CAMTA1: variants seen among roughly 807,000 people sequenced by gnomAD.
CAMTA1 encodes the protein calmodulin-binding transcription activator 1.
CAMTA1 carries 27 observed loss-of-function variants against 170.9 expected under a neutral mutation model. That is an observed-to-expected ratio of 0.16 (90% CI 0.12 to 0.22). The LOEUF (loss-of-function observed/expected upper bound fraction) is 0.22, where lower values mean the gene tolerates loss of function less well. CAMTA1 is among the 10% of genes least tolerant of loss of function. The pLI, the probability that CAMTA1 is intolerant of heterozygous loss-of-function variation, is 1.00. For missense variants in CAMTA1, 1,619 were observed against 2,217.2 expected, an observed-to-expected ratio of 0.73 and a Z score of 5.42; for synonymous variants, 833 against 891.5, an observed-to-expected ratio of 0.93 and a Z score of 1.17.
chr1:7,586,636 A>C lies in CAMTA1; in HGVS notation c.511-53764A>C, dbSNP rs2095312409. Among the ~76,000 whole-genome samples the C allele has an allele frequency of 1.3e-5, 2 of 152,134 alleles. 1 individual carries two copies. Among genetic ancestry groups the C allele is most frequent in the African/African-American group, 4.8e-5 (2 of 41,390 alleles). ...GCCCTCAGCTCACCAGCTGGGCAAC[A>C]ATACCTGGAAAGGGTAGAAGCATAC... On this transcript the variant is annotated intron_variant, in intron 6 of 22. Coordinates refer to ENST00000303635, the MANE Select transcript of CAMTA1 (RefSeq NM_015215.4).
chr1:7,428,797 C>A (rs1333201571), intron 5 of CAMTA1, among the ~76,000 whole-genome samples: 2 of 151,916 alleles, frequency 1.3e-5, no homozygotes, highest in Non-Finnish European at 2.9e-5. Context: ...TATTGCGTGG[C>A]CTTTGCATAT....
intron 4 of CAMTA1, among the ~76,000 whole-genome samples, chr1:7,246,082 G>T (rs2149284301): frequency 6.6e-6 from 1 of 152,328 alleles, no homozygotes; most frequent in South Asian, 2.1e-4. Flanking sequence ...GGTAAAGGAT[G>T]CTTTCAGGGT....
chr1:7,289,554 A>G (rs1376562072), intron 5 of CAMTA1, among the ~76,000 whole-genome samples: 3 of 152,218 alleles, frequency 2.0e-5, no homozygotes, highest in African/African-American at 7.2e-5. Context: ...CCTGGGTTGA[A>G]TAGTATCCTC....
chr1:7,627,735 C>T lies in CAMTA1; in HGVS notation c.511-12665C>T, dbSNP rs112402766. On this transcript the variant is annotated intron_variant, in intron 6 of 22. Coordinates refer to ENST00000303635, the MANE Select transcript of CAMTA1 (RefSeq NM_015215.4). ...TAATGGGCAGGGCTTTGATGGACTACTTAATTCCTTACGTTTTAGATTCTT... is the reference window on the plus strand; with the variant it reads ...TAATGGGCAGGGCTTTGATGGACTATTTAATTCCTTACGTTTTAGATTCTT... Among the ~76,000 whole-genome samples, 1,410 of 152,304 alleles carry T rather than the reference C, an allele frequency of 9.3e-3. 28 individuals are homozygous for T. The highest frequency in any genetic ancestry group is 0.033 in the African/African-American group (1,369 of 41,564).
At chr1:7,122,245 C>T (rs912035649) in intron 4 of CAMTA1, among the ~76,000 whole-genome samples, 1 of 152,112 alleles carries the variant, frequency 6.6e-6, no homozygotes, top group Non-Finnish European at 1.5e-5. Flanking sequence ...TCATCCCTGT[C>T]TTCCTCTTGC....
intron 11 of CAMTA1, among the ~76,000 whole-genome samples, chr1:7,678,697 G>A (rs1358767860): frequency 6.6e-6 from 1 of 152,218 alleles, no homozygotes; most frequent in Non-Finnish European, 1.5e-5. Context: ...TGAGCCCACA[G>A]AGGTGACACT....
At chr1:7,118,323 T>C (rs1295144530) in intron 4 of CAMTA1, among the ~76,000 whole-genome samples, 2 of 148,466 alleles carry the variant, frequency 1.3e-5, no homozygotes, top group African/African-American at 2.5e-5. Flanking sequence ...GACAGGGTCT[T>C]GCTCTGCCAC....
At chr1:7,449,976 G>A (rs2092782971) in intron 5 of CAMTA1, among the ~76,000 whole-genome samples, 1 of 152,022 alleles carries the variant, frequency 6.6e-6, no homozygotes. Flanking sequence ...GGAGGAGAGG[G>A]GCAGGGTTTG....
chr1:7,043,818 A>G (rs1277342930), intron 3 of CAMTA1, among the ~76,000 whole-genome samples: 7 of 152,182 alleles, frequency 4.6e-5, no homozygotes. Flanking sequence ...CCCTCAGGCT[A>G]GAGCTTTTGT....
chr1:6,993,658 G>A (rs893877365), intron 3 of CAMTA1, among the ~76,000 whole-genome samples: 1 of 152,026 alleles, frequency 6.6e-6, no homozygotes, highest in Non-Finnish European at 1.5e-5. Context: ...TGAAGTCTAC[G>A]CTACATAGCC....
At chr1:7,419,312 T>C (rs949402152) in intron 5 of CAMTA1, among the ~76,000 whole-genome samples, 2 of 152,150 alleles carry the variant, frequency 1.3e-5, no homozygotes, top group Non-Finnish European at 2.9e-5. Flanking sequence ...TCTGCCACCA[T>C]TCCTGGCTAA....
At position 7,561,333 on chromosome 1, in the gene CAMTA1, G is replaced by T. The variant is rs1333341575; in HGVS notation, c.511-79067G>T. Among the ~76,000 whole-genome samples the T allele has an allele frequency of 6.6e-6, 1 of 151,778 alleles. No individual in the cohort carries two copies. The highest frequency in any genetic ancestry group is 1.5e-5 in the Non-Finnish European group (1 of 67,892). ...GGAGGAGCCTCCAGGAGCCCAGCTG[G>T]GGTGATGGAGGGACAGAGGGACAGG... On this transcript the variant is annotated intron_variant, in intron 6 of 22. Coordinates refer to ENST00000303635, the MANE Select transcript of CAMTA1 (RefSeq NM_015215.4). This position sits in a 1 kb window ranked among gnomAD's most constrained non-coding sequence, Gnocchi z 5.3.
At chr1:6,975,232 G>T (rs1343925018) in intron 3 of CAMTA1, among the ~76,000 whole-genome samples, 1 of 152,188 alleles carries the variant, frequency 6.6e-6, no homozygotes, top group Admixed American at 6.5e-5. Flanking sequence ...GGGACGTTCA[G>T]CATGTTGTCC....
At chr1:7,726,289 G>A (rs1385595557) in intron 11 of CAMTA1, among the ~76,000 whole-genome samples, 1 of 152,038 alleles carries the variant, frequency 6.6e-6, no homozygotes, top group Admixed American at 6.6e-5. Context: ...TAGTTTCGCT[G>A]GGGAGGACAT....
chr1:6,995,295 C>CTTTTCTTTTTTT (rs1697047615), intron 3 of CAMTA1, among the ~76,000 whole-genome samples: 7 of 60,610 alleles, frequency 1.2e-4, no homozygotes, highest in Non-Finnish European at 1.4e-4. Flanking sequence ...TTTTTCTTTT[C>CTTTTCTTTTTTT]TTTTTTTTTT....
At chr1:6,808,428 G>T (rs1310130837) in intron 1 of CAMTA1, among the ~76,000 whole-genome samples, 1 of 152,106 alleles carries the variant, frequency 6.6e-6, no homozygotes, top group Non-Finnish European at 1.5e-5. Context: ...TTTAGAAGTT[G>T]CACCTGCCTC....
chr1:7,582,976 T>C (rs1434745134), intron 6 of CAMTA1, among the ~76,000 whole-genome samples: 1 of 151,624 alleles, frequency 6.6e-6, no homozygotes, highest in Admixed American at 6.6e-5. Flanking sequence ...CTGCTGGGTG[T>C]AAAAGAGCCC....
chr1:7,678,119 G>A (rs891370003), intron 11 of CAMTA1, among the ~76,000 whole-genome samples: 18 of 152,292 alleles, frequency 1.2e-4, no homozygotes, highest in African/African-American at 3.1e-4. Context: ...GCCTGTTTCC[G>A]CGGGCTCCTG....
At chr1:7,263,656 C>T (rs1376165466) in intron 5 of CAMTA1, among the ~76,000 whole-genome samples, 2 of 152,128 alleles carry the variant, frequency 1.3e-5, no homozygotes, top group Admixed American at 1.3e-4. Context: ...TATTTGAAAG[C>T]CCAGAGATCT....
Sources: allele counts gnomAD v4.1 joint callset (sites outside exome capture counted in the v4.1 genomes callset), GRCh38; gene constraint gnomAD v4.1.1; non-coding constraint Gnocchi (gnomAD v3.1); transcripts MANE v1.5; gene names NCBI Gene and HGNC (gene_info 2026-07-23, HGNC 2026-07-21).